The following SLC5A6 variants were observed in gnomAD, a reference collection of about 807,000 sequenced individuals.
SLC5A6 encodes the protein solute carrier family 5 member 6.
SLC5A6 carries 31 observed loss-of-function variants against 67.9 expected under a neutral mutation model. That is an observed-to-expected ratio of 0.46 (90% confidence interval 0.34 to 0.62). The LOEUF is 0.62. Among genes scored for constraint, SLC5A6 ranks in the 20% least tolerant of loss-of-function variants. The pLI is 0.01. For synonymous variants in SLC5A6, 343 were observed against 331.0 expected (o/e 1.04, Z -0.39); for missense variants, 673 against 812.8 (o/e 0.83, Z 2.09).
Position 27,207,114 on chromosome 2 carries a change from G to GA in SLC5A6, c.393+143dup, listed in dbSNP as rs1674133973. 3.7e-6 allele frequency: 4 copies of GA among 1,088,036 alleles called. No homozygotes were observed. The South Asian group carries it at 5.8e-5, about 16-fold the overall frequency. 67.4% of individuals were successfully genotyped at this position (1,088,036 alleles called of 1,614,324 possible). On this transcript the variant is annotated intron_variant, in intron 3 of 16. Transcript: ENST00000310574. This position sits in a 1 kb window ranked among gnomAD's most constrained non-coding sequence, Gnocchi z 5.5. ...CTGCCCCTATACCTAACATCACTGA[G>GA]AAAGAATTATAAACACACAATGAGT...
At chr2:27,202,786 T>C in intron 12 of SLC5A6, 27 bp downstream of exon 12, 1 of 1,596,506 alleles carries the variant, frequency 6.3e-7, no homozygotes, top group Non-Finnish European at 8.6e-7. Context: ...TCCCTTAAAA[T>C]TGCTTCCTAC....
upstream of SLC5A6, chr2:27,212,750 G>GTAA (rs1674638751): frequency 1.1e-6 from 1 of 930,630 alleles, no homozygotes; most frequent in East Asian, 3.4e-5. Context: ...TGCCTCTTGT[G>GTAA]TAATCTCTCT....
intron 11 of SLC5A6, 82 bp downstream of exon 11, chr2:27,203,151 T>G: frequency 6.3e-7 from 1 of 1,592,306 alleles, no homozygotes; most frequent in South Asian, 1.1e-5. Context: ...ATAAAGTGGG[T>G]GTTTTACAGC....
At chr2:27,203,493 C>A (rs72812717) in intron 10 of SLC5A6, 148 bp from the exon 11 acceptor site, 1 of 712,926 alleles carries the variant, frequency 1.4e-6, no homozygotes, top group East Asian at 2.7e-5. Context: ...CACCTCAGAG[C>A]GGGCCTGGAA....
rs753248270 is a variant in SLC5A6 at position 27,204,478 on chromosome 2, G to A, written c.988C>T (p.Gln330Ter). 1.2e-6 allele frequency: 2 copies of A among 1,613,656 alleles called. No individual in the cohort carries two copies. Among genetic ancestry groups the A allele is most frequent in the South Asian group, 2.2e-5 (2 of 91,058 alleles). The change falls in exon 9 of 17, where the codon CAG (glutamine) becomes TAG (stop). Residue 330 changes from glutamine to a stop codon, truncating the protein, a stop_gained. Transcript: ENST00000310574. LOFTEE classifies it high-confidence loss of function. ...QEYPMSIQQA[Q>*]AAPDQFVLYF... Reference sequence around the variant, plus strand: ...CTTCTCACCTGGTCTGGGGCTGCCTGAGCCTGCTGAATGCTCATGGGATAC... The same window carrying A: ...CTTCTCACCTGGTCTGGGGCTGCCTAAGCCTGCTGAATGCTCATGGGATAC...
intron 10 of SLC5A6, 59 bp from the exon 11 acceptor site, chr2:27,203,404 C>T: frequency 2.1e-6 from 3 of 1,441,594 alleles, no homozygotes; most frequent in Non-Finnish European, 2.9e-6. Flanking sequence ...CTCTATGGGA[C>T]TCTATGGAGG....
rs1191270267 is a variant in SLC5A6 at position 27,207,057 on chromosome 2, T to A, written c.394-115A>T. On this transcript the variant is annotated intron_variant, in intron 3 of 16. Transcript: ENST00000310574. This position sits in a 1 kb window ranked among gnomAD's most constrained non-coding sequence, Gnocchi z 5.5. ...ATATCCAACCCATACCCACTCTGAG[T>A]CCTACTCGGCATAGCACCCTCCTCT... 6.6e-6 allele frequency: 7 copies of A among 1,057,808 alleles called. No individual in the cohort carries two copies. Among genetic ancestry groups the A allele is most frequent in the Non-Finnish European group, 1.0e-5 (7 of 678,076 alleles). The allele number at this position is 1,057,808 out of a possible 1,614,324, so 65.5% of individuals were successfully genotyped here.
intron 4 of SLC5A6, among the ~76,000 whole-genome samples, 171 bp downstream of exon 4, chr2:27,206,706 T>C (rs960349536): frequency 2.6e-5 from 4 of 152,208 alleles, no homozygotes; most frequent in African/African-American, 4.8e-5. Flanking sequence ...TGTGCTGGAA[T>C]TGGAAGGCAT....
At chr2:27,210,415 AGC>A (rs1473177509) in intron 2 of SLC5A6, among the ~76,000 whole-genome samples, 1 of 151,082 alleles carries the variant, frequency 6.6e-6, no homozygotes, top group Non-Finnish European at 1.5e-5. Context: ...AGGCACAAAC[AGC>A]AGATTGTGGG....
chr2:27,212,778 A>C, upstream of SLC5A6: 1 of 710,750 alleles, frequency 1.4e-6, no homozygotes, highest in Non-Finnish European at 2.1e-6. Flanking sequence ...AACGCCATAT[A>C]TCGTGCGGTG....
At chr2:27,209,000 G>A (rs753689702) in intron 2 of SLC5A6, among the ~76,000 whole-genome samples, 3 of 152,202 alleles carry the variant, frequency 2.0e-5, no homozygotes, top group Non-Finnish European at 4.4e-5. Context: ...AATCCCCCAA[G>A]AATACACCAC....
At chr2:27,209,654 AT>A (rs1303631023) in intron 2 of SLC5A6, among the ~76,000 whole-genome samples, 8 of 152,160 alleles carry the variant, frequency 5.3e-5, no homozygotes, top group Non-Finnish European at 5.9e-5. Flanking sequence ...CATAGTTTAG[AT>A]TTCAACTAAT....
At chr2:27,212,360 G>A (rs749286000), upstream of SLC5A6, 4 of 1,550,248 alleles carry the variant, frequency 2.6e-6, no homozygotes, top group African/African-American at 1.4e-5. Flanking sequence ...AGCACCAAGG[G>A]AACGGAAAAT....
At position 27,207,461 on chromosome 2, in the gene SLC5A6, G is replaced by T; in HGVS notation, c.190C>A (p.Arg64Ser). The T allele has an allele frequency of 6.2e-7, 1 of 1,614,124 alleles. No individual in the cohort carries two copies. The highest frequency in any genetic ancestry group is 8.5e-7 in the Non-Finnish European group (1 of 1,180,020). ...HTVGELLMADRKMGCLPVALS... is the reference protein window; with the variant it reads ...HTVGELLMADSKMGCLPVALS... ...GCCACCGGAAGGCAGCCCATTTTGC[G>T]GTCCGCCATCAGCAGCTCACCAACA... The change falls in exon 3 of 17, where the codon CGC (arginine) becomes AGC (serine). Residue 64 changes from arginine (R) to serine (S), a missense_variant. Arg to Ser is a moderately radical substitution (Grantham distance 110). Transcript: ENST00000310574. The surrounding 1 kb of genome is among the most constrained non-coding windows in gnomAD (Gnocchi z 5.5).
At chr2:27,210,885 G>A (rs187841674) in intron 2 of SLC5A6, among the ~76,000 whole-genome samples, 2,122 of 152,212 alleles carry the variant, frequency 0.014, 19 homozygotes, top group African/African-American at 0.023. Context: ...TTAGCCAGGC[G>A]TGGTGGCAGG....
chr2:27,208,512 G>A (rs1405427735), intron 2 of SLC5A6: 2 of 153,018 alleles, frequency 1.3e-5, no homozygotes, highest in Non-Finnish European at 2.9e-5. Context: ...GTTTCAGAAT[G>A]ACGATTCTCC....
intron 1 of SLC5A6, chr2:27,211,769 C>T (rs1488954009): frequency 5.7e-6 from 1 of 176,842 alleles, no homozygotes; most frequent in African/African-American, 2.4e-5. Context: ...CACCTTACCG[C>T]TCGCACTTAA....
At chr2:27,212,737 C>T (rs1674636833), upstream of SLC5A6, 2 of 1,041,908 alleles carry the variant, frequency 1.9e-6, no homozygotes, top group Non-Finnish European at 2.6e-6. Context: ...CAGACGGGTC[C>T]TCTGCCTCTT....
At chr2:27,200,888 G>A in intron 16 of SLC5A6, 110 bp downstream of exon 16, 1 of 726,520 alleles carries the variant, frequency 1.4e-6, no homozygotes. Context: ...AGCTGATCCT[G>A]AGAGAGGCAC....
Sources: allele counts gnomAD v4.1 joint callset (sites outside exome capture counted in the v4.1 genomes callset), GRCh38; gene constraint gnomAD v4.1.1; non-coding constraint Gnocchi (gnomAD v3.1); transcripts MANE v1.5; gene names NCBI Gene and HGNC (gene_info 2026-07-23, HGNC 2026-07-21).